Variants in EFNA5 observed in about 807,000 individuals in gnomAD.
EFNA5 encodes ephrin A5.
Under a neutral mutation model 22.9 loss-of-function variants are expected in EFNA5, and 5 were observed. The ratio of observed to expected loss-of-function variants is 0.22; its 90% CI spans 0.11 to 0.46. The LOEUF (loss-of-function observed/expected upper bound fraction) is 0.46, where lower values mean the gene tolerates loss of function less well. EFNA5 is among the 20% of genes least tolerant of loss of function. EFNA5 has a pLI of 0.99. For synonymous variants in EFNA5, 113 were observed against 112.2 expected, an observed-to-expected ratio of 1.01 and a Z score of -0.04; for missense variants, 237 against 293.3, an observed-to-expected ratio of 0.81 and a Z score of 1.40.
At chr5:107,556,339 C>T (rs377219787) in intron 1 of EFNA5, among the ~76,000 whole-genome samples, 12 of 152,198 alleles carry the variant, frequency 7.9e-5, no homozygotes, top group African/African-American at 2.2e-4. Flanking sequence ...GAGTTTACAA[C>T]CACCACCAAA....
chr5:107,420,345 A>G (rs1279323033), intron 2 of EFNA5, among the ~76,000 whole-genome samples: 1 of 152,020 alleles, frequency 6.6e-6, no homozygotes, highest in Non-Finnish European at 1.5e-5. Flanking sequence ...TGGTTCCTTA[A>G]ACAATATTTC....
intron 1 of EFNA5, among the ~76,000 whole-genome samples, chr5:107,550,331 A>G (rs1451392197): frequency 6.6e-6 from 1 of 152,188 alleles, no homozygotes; most frequent in Non-Finnish European, 1.5e-5. Flanking sequence ...ACTAATAGTA[A>G]ATTGTCATTG....
At chr5:107,406,873 G>A (rs551540529) in intron 2 of EFNA5, among the ~76,000 whole-genome samples, 1 of 152,192 alleles carries the variant, frequency 6.6e-6, no homozygotes, top group Admixed American at 6.5e-5. Context: ...AAAAACACTT[G>A]TTTTCTCACT....
chr5:107,436,752 G>A (rs1048094801), intron 1 of EFNA5, among the ~76,000 whole-genome samples: 8 of 152,168 alleles, frequency 5.3e-5, no homozygotes, highest in Non-Finnish European at 1.0e-4. Flanking sequence ...TGTCCAAGGA[G>A]AACAGGATTA....
rs900275983 is a variant in EFNA5, at chr5:107,377,532, A to T, written c.*3723T>A. 1 of 152,206 alleles carries T rather than the reference A, an allele frequency of 6.6e-6. No individual in the cohort carries two copies. Among genetic ancestry groups the T allele is most frequent in the Non-Finnish European group, 1.5e-5 (1 of 68,036 alleles). The allele number at this position is 152,206 out of a possible 1,614,324, so 9.4% of individuals were successfully genotyped here. ...GGAGTTGAAAACTGTTTTTCTAATT[A>T]TTTGAAAATAATACAAATGGCTGCT... On this transcript the variant is annotated 3_prime_UTR_variant, in exon 5 of 5. Transcript: ENST00000333274.
At chr5:107,406,339 G>T (rs763185025) in intron 2 of EFNA5, among the ~76,000 whole-genome samples, 1 of 151,774 alleles carries the variant, frequency 6.6e-6, no homozygotes, top group African/African-American at 2.4e-5. Flanking sequence ...ACATGTCTAC[G>T]TTCCTTTCCC....
intron 1 of EFNA5, among the ~76,000 whole-genome samples, chr5:107,611,217 A>T (rs1749814738): frequency 6.6e-6 from 1 of 152,184 alleles, no homozygotes; most frequent in African/African-American, 2.4e-5. Context: ...ATAAAAACCA[A>T]GCTGGAAATG....
chr5:107,661,950 T>C (rs1020640927), intron 1 of EFNA5, among the ~76,000 whole-genome samples: 2 of 152,164 alleles, frequency 1.3e-5, no homozygotes, highest in Non-Finnish European at 2.9e-5. Context: ...TTTACTTTTA[T>C]AATTTCCAGG....
intron 1 of EFNA5, among the ~76,000 whole-genome samples, chr5:107,603,459 T>C (rs1479638698): frequency 6.6e-6 from 1 of 152,218 alleles, no homozygotes; most frequent in African/African-American, 2.4e-5. Context: ...TAGTAGGCCA[T>C]ACCTCAGGAG....
chr5:107,395,034 C>CTTTTTTTGTTTTTTTTTTTTTTT (rs1747883934), intron 2 of EFNA5, among the ~76,000 whole-genome samples: 1 of 86,136 alleles, frequency 1.2e-5, no homozygotes, highest in Non-Finnish European at 2.2e-5. Context: ...ATTTCTAGTT[C>CTTTTTTTGTTTTTTTTTTTTTTT]TTTTTTTTTT....
intron 1 of EFNA5, among the ~76,000 whole-genome samples, chr5:107,447,694 G>T (rs1051759999): frequency 6.6e-6 from 1 of 152,182 alleles, no homozygotes; most frequent in Non-Finnish European, 1.5e-5. Flanking sequence ...ACGAAGGGGA[G>T]GGGGGCTTCT....
At chr5:107,461,459 G>T (rs1398543905) in intron 1 of EFNA5, among the ~76,000 whole-genome samples, 1 of 151,998 alleles carries the variant, frequency 6.6e-6, no homozygotes, top group Non-Finnish European at 1.5e-5. Flanking sequence ...CTAAAGAGAG[G>T]CCCAATGTGT....
intron 1 of EFNA5, among the ~76,000 whole-genome samples, chr5:107,479,496 T>C (rs1468084004): frequency 6.6e-6 from 1 of 152,100 alleles, no homozygotes; most frequent in East Asian, 1.9e-4. Context: ...GCTATCCTTA[T>C]TCAGGCCAAC....
intron 1 of EFNA5, among the ~76,000 whole-genome samples, chr5:107,559,041 G>T (rs1748478511): frequency 6.6e-6 from 1 of 152,232 alleles, no homozygotes; most frequent in African/African-American, 2.4e-5. Flanking sequence ...ATGACAGAAT[G>T]GCAAGAAGGG....
intron 1 of EFNA5, among the ~76,000 whole-genome samples, chr5:107,478,707 TAGGACAAGGTCACCTG>T (rs1554061761): frequency 2.6e-5 from 4 of 152,176 alleles, no homozygotes; most frequent in Non-Finnish European, 4.4e-5. Flanking sequence ...TCTTAATAAA[TAGGACAAGGTCACCTG>T]AGTTTACTTC....
At position 107,630,136 on chromosome 5, in the gene EFNA5, A is replaced by G. The variant is rs547659303; in HGVS notation, c.125+40353T>C. 2.1e-3 allele frequency among the ~76,000 whole-genome samples: 315 copies of G among 152,188 alleles called. 1 individual carries two copies. The highest frequency in any genetic ancestry group is 7.3e-3 in the African/African-American group (303 of 41,524). ...CATCAGCTATCATTAGTGTTAGTGT[A>G]TTTTATGTGTGACCCAAGACAATTC... On this transcript the variant is annotated intron_variant, in intron 1 of 4. Coordinates refer to ENST00000333274, the MANE Select transcript of EFNA5 (RefSeq NM_001962.3).
chr5:107,642,743 C>A lies in EFNA5; in HGVS notation c.125+27746G>T, dbSNP rs1034260774. ...GCAAAATGGAGAGAAAGAAAGAATA[C>A]GGGGAGTGGTCATGGTTTTTAAAGG... On this transcript the variant is annotated intron_variant, in intron 1 of 4. Coordinates refer to ENST00000333274, the MANE Select transcript of EFNA5 (RefSeq NM_001962.3). 2.6e-5 allele frequency among the ~76,000 whole-genome samples: 4 copies of A among 152,040 alleles called. No homozygotes were observed. The East Asian group carries it at 7.7e-4, about 29-fold the overall frequency.
chr5:107,470,772 G>C (rs1750116863), intron 1 of EFNA5, among the ~76,000 whole-genome samples: 1 of 152,096 alleles, frequency 6.6e-6, no homozygotes, highest in Non-Finnish European at 1.5e-5. Context: ...CCACAAGAAT[G>C]ATGAAATGAA....
At chr5:107,459,791 G>A (rs1749787730) in intron 1 of EFNA5, among the ~76,000 whole-genome samples, 1 of 152,134 alleles carries the variant, frequency 6.6e-6, no homozygotes, top group African/African-American at 2.4e-5. Context: ...TCTCAGTGGG[G>A]CAGCACCACC....
Sources: gnomAD v4.1 joint callset for allele counts (sites outside exome capture counted in the v4.1 genomes callset) on GRCh38, gnomAD v4.1.1 for gene constraint, MANE v1.5 for transcripts, NCBI Gene and HGNC (gene_info 2026-07-23, HGNC 2026-07-21) for gene names.